The following OR2L13 variants were observed in gnomAD, a reference collection of about 807,000 sequenced individuals.
OR2L13 encodes olfactory receptor 2L13.
OR2L13 carries 14 observed loss-of-function variants against 15.3 expected under a neutral mutation model. That is an observed-to-expected ratio of 0.91 (90% CI 0.60 to 1.43). OR2L13 has a LOEUF of 1.43. OR2L13 is among the 40% of genes most tolerant of loss of function. OR2L13 has a pLI of 0.00. For synonymous variants in OR2L13, 152 were observed against 142.9 expected (o/e 1.06, Z -0.45); for missense variants, 367 against 387.9 (o/e 0.95, Z 0.45).
chr1:248,047,896 T>A, the OR2L13 span, among the ~76,000 whole-genome samples: 1 of 152,198 alleles, frequency 6.6e-6, no homozygotes, highest in African/African-American at 2.4e-5. Flanking sequence ...AGTCACTATG[T>A]CACAGCTTCT....
the OR2L13 span, among the ~76,000 whole-genome samples, chr1:248,074,252 G>A: frequency 6.6e-6 from 1 of 151,928 alleles, no homozygotes; most frequent in Admixed American, 6.6e-5. Context: ...CTAGGTAATG[G>A]CATATTTTAA....
chr1:248,070,193 C>G, the OR2L13 span, among the ~76,000 whole-genome samples: 3 of 152,274 alleles, frequency 2.0e-5, no homozygotes, highest in East Asian at 5.8e-4. Context: ...CACCACAACA[C>G]GCCTATTCCA....
Position 248,099,694 on chromosome 1 carries a change from G to A in OR2L13, c.319G>A (p.Ala107Thr), listed in dbSNP as rs1382288881. The change falls in exon 3 of 3, where the codon GCG (alanine) becomes ACG (threonine). Residue 107 changes from alanine (A) to threonine (T), a missense_variant. Ala to Thr is a moderately conservative substitution (Grantham distance 58). Coordinates refer to ENST00000641714, the Ensembl canonical transcript of OR2L13. ...GCAAAGCTTCTTCTTCCTGACCATG[G>A]CGTGTTCTGAAGGCTTACTCCTGAC... 4 of 1,614,004 alleles carry A rather than the reference G, an allele frequency of 2.5e-6. No individual in the cohort carries two copies. The Admixed American group carries it at 6.7e-5, about 27-fold the overall frequency.
chr1:248,040,540 A>G, the OR2L13 span: 2 of 152,264 alleles, frequency 1.3e-5, no homozygotes, highest in Non-Finnish European at 2.9e-5. Context: ...CAACGTGAAG[A>G]CAACAATGAT....
chr1:248,078,061 T>G, the OR2L13 span, among the ~76,000 whole-genome samples: 15 of 152,332 alleles, frequency 9.8e-5, no homozygotes, highest in Middle Eastern at 3.4e-3. Flanking sequence ...CAATATATTT[T>G]TATAATTAAA....
At chr1:247,961,452 C>T in the OR2L13 span, among the ~76,000 whole-genome samples, 4 of 152,198 alleles carry the variant, frequency 2.6e-5, no homozygotes, top group Non-Finnish European at 5.9e-5. Flanking sequence ...GATAAGTAAT[C>T]TACAAGCCTG....
chr1:247,994,220 A>C, the OR2L13 span, among the ~76,000 whole-genome samples: 1 of 151,842 alleles, frequency 6.6e-6, no homozygotes, highest in South Asian at 2.1e-4. Context: ...CACGGTGAAA[A>C]CCCCGTCTCT....
chr1:248,098,132 A>T (rs1232285235), intron 1 of OR2L13, among the ~76,000 whole-genome samples: 1 of 152,204 alleles, frequency 6.6e-6, no homozygotes, highest in Non-Finnish European at 1.5e-5. Flanking sequence ...TAATCCAATG[A>T]TCTCTCTGCT....
chr1:247,982,564 A>G, the OR2L13 span, among the ~76,000 whole-genome samples: 1 of 152,202 alleles, frequency 6.6e-6, no homozygotes, highest in Admixed American at 6.5e-5. Context: ...ATTATGCTGA[A>G]TATGTAGATC....
At chr1:248,028,558 C>T in the OR2L13 span, among the ~76,000 whole-genome samples, 1 of 152,146 alleles carries the variant, frequency 6.6e-6, no homozygotes, top group African/African-American at 2.4e-5. Flanking sequence ...GTAAAATAAG[C>T]AGCTCAGTTT....
chr1:247,981,776 G>A, the OR2L13 span, among the ~76,000 whole-genome samples: 1 of 151,964 alleles, frequency 6.6e-6, no homozygotes, highest in Non-Finnish European at 1.5e-5. Context: ...CCTCAGTCAA[G>A]TAATACATGT....
chr1:248,008,966 A>G, the OR2L13 span, among the ~76,000 whole-genome samples: 1 of 152,226 alleles, frequency 6.6e-6, no homozygotes, highest in Non-Finnish European at 1.5e-5. Context: ...TAAAGCAGAA[A>G]TAAATAAGTT....
At chr1:248,027,020 G>T in the OR2L13 span, among the ~76,000 whole-genome samples, 183 of 152,314 alleles carry the variant, frequency 1.2e-3, no homozygotes, top group Non-Finnish European at 1.9e-3. Flanking sequence ...CTGTGAGCTG[G>T]GTGGAACAGA....
At chr1:247,993,807 G>GAGAGAGAGAGAGAGAGAA in the OR2L13 span, among the ~76,000 whole-genome samples, 75 of 129,036 alleles carry the variant, frequency 5.8e-4, no homozygotes, top group Non-Finnish European at 8.5e-4. Flanking sequence ...GAGAGAGAGA[G>GAGAGAGAGAGAGAGAGAA]AGAGAAAGAA....
the OR2L13 span, among the ~76,000 whole-genome samples, chr1:248,065,433 A>C: frequency 2.7e-5 from 4 of 149,834 alleles, no homozygotes; most frequent in Non-Finnish European, 5.9e-5. Flanking sequence ...GCATTTATTT[A>C]TTTATTTATT....
chr1:248,069,975 C>T, the OR2L13 span, among the ~76,000 whole-genome samples: 1 of 151,960 alleles, frequency 6.6e-6, no homozygotes, highest in South Asian at 2.1e-4. Context: ...ATTCATAAAG[C>T]AAGTCCTGAG....
chr1:248,082,758 T>G, the OR2L13 span, among the ~76,000 whole-genome samples: 5 of 152,198 alleles, frequency 3.3e-5, no homozygotes, highest in Non-Finnish European at 5.9e-5. Context: ...CACCTATGCC[T>G]TGGCAGAAGT....
chr1:247,988,277 C>CT, the OR2L13 span, among the ~76,000 whole-genome samples: 2 of 151,532 alleles, frequency 1.3e-5, no homozygotes. Context: ...AGGTTGTTTT[C>CT]TTTTTTCCTT....
chr1:248,033,350 G>A, the OR2L13 span, among the ~76,000 whole-genome samples: 1 of 152,096 alleles, frequency 6.6e-6, no homozygotes, highest in African/African-American at 2.4e-5. Flanking sequence ...CTTCCACATT[G>A]AGTAAACTTG....
Sources: allele counts gnomAD v4.1 joint callset (sites outside exome capture counted in the v4.1 genomes callset), GRCh38; gene constraint gnomAD v4.1.1; transcripts MANE v1.5; gene names NCBI Gene and HGNC (gene_info 2026-07-23, HGNC 2026-07-21).